NR4A1: variants seen among roughly 807,000 people sequenced by gnomAD.
The protein encoded by NR4A1 is nuclear receptor subfamily 4immunitygroup A member 1.
A neutral mutation model predicts 47.5 loss-of-function variants in NR4A1; 24 were observed. That is an observed-to-expected ratio of 0.50 (90% confidence interval 0.37 to 0.71). The LOEUF (loss-of-function observed/expected upper bound fraction) is 0.71. NR4A1 is among the 30% of genes least tolerant of loss of function. The pLI is 0.00. For missense variants in NR4A1, 669 were observed against 788.6 expected (o/e 0.85, Z 1.82); for synonymous variants, 353 against 345.7 (o/e 1.02, Z -0.24).
In NR4A1 at chr12:52,059,182, T is replaced by G; in HGVS notation, c.*238T>G. On this transcript the variant is annotated 3_prime_UTR_variant, in exon 7 of 7. Transcript: ENST00000394825. ...CAGCCTGGCCCCGGCCTTTATGTTT[T>G]TTGTAAGATAAACCGTTTTTAACAC... The G allele has an allele frequency of 1.8e-6, 1 of 561,076 alleles. No individual in the cohort carries two copies. The highest frequency in any genetic ancestry group is 1.9e-5 in the African/African-American group (1 of 52,798). 34.8% of individuals were successfully genotyped at this position (561,076 alleles called of 1,614,324 possible). A position where few individuals can be genotyped will look rare whatever the true frequency, so the allele number is the denominator to read the frequency against.
chr12:52,038,881 G>C, intron 1 of NR4A1: 2 of 643,758 alleles, frequency 3.1e-6, no homozygotes, highest in South Asian at 3.3e-5. Flanking sequence ...AAGGCCCAGG[G>C]ACCCAGGCCC....
chr12:52,035,581 G>A (rs1229709543), intron 1 of NR4A1, among the ~76,000 whole-genome samples: 1 of 152,180 alleles, frequency 6.6e-6, no homozygotes, highest in Non-Finnish European at 1.5e-5. Flanking sequence ...GTGAGGAAAA[G>A]TCAGTCCCTT....
chr12:52,045,520 C>T, intron 2 of NR4A1: 1 of 453,108 alleles, frequency 2.2e-6, no homozygotes, highest in Non-Finnish European at 4.4e-6. Context: ...CCAGGCAGTG[C>T]TACATTTGGA....
chr12:52,059,166 C>A lies in NR4A1; in HGVS notation c.*222C>A. The A allele has an allele frequency of 1.7e-6, 1 of 591,230 alleles. No homozygotes were observed. The highest frequency in any genetic ancestry group is 2.9e-6 in the Non-Finnish European group (1 of 345,536). 36.6% of individuals were successfully genotyped at this position (591,230 alleles called of 1,614,324 possible). A position where few individuals can be genotyped will look rare whatever the true frequency, so the allele number is the denominator to read the frequency against. ...TTTGTCTTATCCCCCCCAGCCTGGCCCCGGCCTTTATGTTTTTTGTAAGAT... is the reference window on the plus strand; with the variant it reads ...TTTGTCTTATCCCCCCCAGCCTGGCACCGGCCTTTATGTTTTTTGTAAGAT... On this transcript the variant is annotated 3_prime_UTR_variant, in exon 7 of 7. Coordinates refer to ENST00000394825, the MANE Select transcript of NR4A1 (RefSeq NM_173157.3).
At chr12:52,053,188 C>T (rs1289736250) in intron 1 of NR4A1, among the ~76,000 whole-genome samples, 1 of 152,142 alleles carries the variant, frequency 6.6e-6, no homozygotes, top group Non-Finnish European at 1.5e-5. Context: ...GGAGCCTCCT[C>T]TGCATTATTT....
Position 52,038,857 on chromosome 12 carries a change from C to G in NR4A1, c.-83-2953C>G, listed in dbSNP as rs1313432400. 26 of 681,572 alleles carry G rather than the reference C, an allele frequency of 3.8e-5. No individual in the cohort carries two copies. The East Asian group carries it at 6.8e-4, about 18-fold the overall frequency. The allele number at this position is 681,572 out of a possible 1,614,324, so 42.2% of individuals were successfully genotyped here. Reference sequence around the variant, plus strand: ...GAAAGTCAGCTGAGGAGTTCAGGCCCTGTGCCTGGCTCAAAGGCCCAGGGA... The same window carrying G: ...GAAAGTCAGCTGAGGAGTTCAGGCCGTGTGCCTGGCTCAAAGGCCCAGGGA... On this transcript the variant is annotated intron_variant, in intron 1 of 7. Coordinates refer to the NR4A1 transcript ENST00000360284.
intron 2 of NR4A1, chr12:52,043,918 C>T (rs766616685): frequency 1.6e-6 from 2 of 1,289,180 alleles, no homozygotes; most frequent in South Asian, 2.5e-5. Flanking sequence ...GCTGGTGAGT[C>T]TTGGGACAGG....
At chr12:52,049,788 G>T (rs1938830443), upstream of NR4A1, among the ~76,000 whole-genome samples, 1 of 152,186 alleles carries the variant, frequency 6.6e-6, no homozygotes, top group African/African-American at 2.4e-5. Flanking sequence ...TGGCAGGCAG[G>T]GGGTGCAGAA....
At chr12:52,041,902 GCCA>G (rs1322564567) in exon 2 of NR4A1, 1 of 1,513,458 alleles carries the variant, frequency 6.6e-7, no homozygotes, top group Non-Finnish European at 8.8e-7. Context: ...AATGTGGTTG[GCCA>G]AGGCCTGTTG....
intron 2 of NR4A1, among the ~76,000 whole-genome samples, chr12:52,042,300 A>C (rs1252732352): frequency 1.3e-5 from 2 of 151,978 alleles, no homozygotes; most frequent in Non-Finnish European, 2.9e-5. Context: ...CATGGGGCAG[A>C]CGTGGCAGCG....
intron 3 of NR4A1, 137 bp from the exon 4 acceptor site, chr12:52,056,357 A>G (rs906092083): frequency 2.2e-6 from 3 of 1,390,474 alleles, no homozygotes; most frequent in Non-Finnish European, 1.9e-6. Context: ...GGAGGTTCCT[A>G]TAGGGTACCT....
chr12:52,050,993 A>G (rs2603761), upstream of NR4A1, among the ~76,000 whole-genome samples: 68,211 of 151,868 alleles, frequency 0.45, 17,167 homozygotes, highest in African/African-American at 0.66. Flanking sequence ...GCAACTGGAG[A>G]GTGAGGAGAT....
upstream of NR4A1, among the ~76,000 whole-genome samples, chr12:52,049,936 C>T (rs1256089737): frequency 1.3e-5 from 2 of 151,834 alleles, no homozygotes; most frequent in Non-Finnish European, 1.5e-5. Flanking sequence ...GCAGAGCCTC[C>T]GGGGCAGAGA....
chr12:52,031,185 T>A (rs187452322), intron 1 of NR4A1, among the ~76,000 whole-genome samples: 15 of 152,132 alleles, frequency 9.9e-5, no homozygotes, highest in South Asian at 2.1e-4. Context: ...GGCTATTTTT[T>A]AATTATTATT....
chr12:52,052,413 G>A (rs576911844), intron 1 of NR4A1: 17 of 920,284 alleles, frequency 1.8e-5, no homozygotes, highest in African/African-American at 3.6e-5. Flanking sequence ...GTGCTGCCTA[G>A]AGGATACCTC....
upstream of NR4A1, among the ~76,000 whole-genome samples, chr12:52,047,623 C>T (rs1938705013): frequency 6.6e-6 from 1 of 152,256 alleles, no homozygotes; most frequent in South Asian, 2.1e-4. Context: ...AGCAGGACTG[C>T]AGCCTCCATA....
intron 2 of NR4A1, 31 bp from the exon 3 acceptor site, chr12:52,055,999 A>G: frequency 2.8e-6 from 2 of 727,060 alleles, no homozygotes; most frequent in South Asian, 3.3e-5. Flanking sequence ...CCACACTCTG[A>G]CAGCTTGTTC....
intron 2 of NR4A1, among the ~76,000 whole-genome samples, chr12:52,043,260 G>A (rs1029067466): frequency 1.3e-5 from 2 of 152,186 alleles, no homozygotes; most frequent in South Asian, 4.1e-4. Flanking sequence ...CGTGAGTGAG[G>A]ATGACAGCAG....
Position 52,054,949 on chromosome 12 carries a change from G to A in NR4A1, c.621G>A (p.Leu207=), listed in dbSNP as rs140048797. The change falls in exon 2 of 7, where the codon CTG becomes CTA. Residue 207 remains leucine (L), a synonymous_variant. Transcript: ENST00000394825. The part of the protein sequence containing the change: ...GPSPSLAQSP[L]KLFPSQATHQ... ...GCCCCAGCCTGGCCCAGAGCCCCCT[G>A]AAGTTGTTCCCCTCACAGGCCACCC... The A allele has an allele frequency of 1.4e-5, 23 of 1,614,190 alleles. No individual in the cohort carries two copies. The African/African-American group carries it at 2.4e-4, about 17-fold the overall frequency.
Sources: allele counts gnomAD v4.1 joint callset (sites outside exome capture counted in the v4.1 genomes callset), GRCh38; gene constraint gnomAD v4.1.1; transcripts MANE v1.5; gene names NCBI Gene and HGNC (gene_info 2026-07-23, HGNC 2026-07-21).